HORMAD2: variants seen among roughly 807,000 people sequenced by gnomAD.
The protein encoded by HORMAD2 is HORMA domain containing 2.
In HORMAD2, 45 loss-of-function variants were observed where a neutral mutation model predicts 38.8. The ratio of observed to expected loss-of-function variants is 1.16; its 90% confidence interval spans 0.91 to 1.49. The LOEUF is 1.49. HORMAD2 is among the 40% of genes most tolerant of loss of function. HORMAD2 has a pLI of 0.00. For missense variants in HORMAD2, 338 were observed against 367.0 expected (o/e 0.92, Z 0.65); for synonymous variants, 126 against 122.8 (o/e 1.03, Z -0.17).
chr22:30,091,904 T>G (rs532076853), intron 1 of HORMAD2, among the ~76,000 whole-genome samples: 1 of 152,228 alleles, frequency 6.6e-6, no homozygotes, highest in South Asian at 2.1e-4. Context: ...TGAGATGGAG[T>G]CTTGCTCTGT....
In HORMAD2 at chr22:30,093,773, T is replaced by C. The variant is rs1601507372; in HGVS notation, c.-37-143T>C. 6.4e-6 allele frequency: 3 copies of C among 468,082 alleles called. No homozygotes were observed. The East Asian group carries it at 1.0e-4, about 16-fold the overall frequency. The allele number at this position is 468,082 out of a possible 1,614,324, so 29.0% of individuals were successfully genotyped here. ...GTAAATTTCTCTCTGAACTGAACAA[T>C]CTTGAAAACAGTTTATACTTAACTG... On this transcript the variant is annotated intron_variant, in intron 1 of 10. Coordinates refer to ENST00000336726, the MANE Select transcript of HORMAD2 (RefSeq NM_152510.4).
At chr22:30,159,528 T>TA (rs1385766962) in intron 10 of HORMAD2, among the ~76,000 whole-genome samples, 1 of 152,228 alleles carries the variant, frequency 6.6e-6, no homozygotes, top group Non-Finnish European at 1.5e-5. Flanking sequence ...GGATACCCTG[T>TA]ATTTCAGGTA....
chr22:30,092,038 G>A (rs1042569311), intron 1 of HORMAD2, among the ~76,000 whole-genome samples: 8 of 140,274 alleles, frequency 5.7e-5, no homozygotes, highest in Non-Finnish European at 1.2e-4. Flanking sequence ...CACCACACCT[G>A]GCTAATTTTT....
chr22:30,091,909 C>G (rs1182128161), intron 1 of HORMAD2, among the ~76,000 whole-genome samples: 1 of 151,902 alleles, frequency 6.6e-6, no homozygotes, highest in Non-Finnish European at 1.5e-5. Context: ...TGGAGTCTTG[C>G]TCTGTTGCCC....
chr22:30,148,317 T>C (rs1350028221), intron 10 of HORMAD2, among the ~76,000 whole-genome samples: 2 of 152,074 alleles, frequency 1.3e-5, no homozygotes, highest in Non-Finnish European at 2.9e-5. Context: ...TACATGAAAA[T>C]CTGGAGGAAG....
chr22:30,155,187 T>A (rs1452050899), intron 10 of HORMAD2, among the ~76,000 whole-genome samples: 1 of 152,164 alleles, frequency 6.6e-6, no homozygotes. Context: ...ATTTCAATTA[T>A]GTTTTATTTG....
intron 10 of HORMAD2, among the ~76,000 whole-genome samples, chr22:30,133,094 A>T (rs922383599): frequency 1.3e-5 from 2 of 152,218 alleles, no homozygotes; most frequent in Non-Finnish European, 2.9e-5. Context: ...ATTTAAACTC[A>T]GATTTTTTTC....
rs1163377961 is a variant in HORMAD2, at chr22:30,100,850, C to T, written c.193+1857C>T. On this transcript the variant is annotated intron_variant, in intron 3 of 10. Transcript: ENST00000336726. ...TGAAAAAAAGCTCATCATCACTGGT[C>T]GTTAGAGAGATGCAAATCAAAACCA... Among the ~76,000 whole-genome samples the T allele has an allele frequency of 2.0e-5, 3 of 152,142 alleles. 1 individual carries two copies. Among genetic ancestry groups the T allele is most frequent in the East Asian group, 3.9e-4 (2 of 5,192 alleles).
chr22:30,196,913 C>T, the HORMAD2 span, among the ~76,000 whole-genome samples: 11 of 152,284 alleles, frequency 7.2e-5, no homozygotes, highest in Admixed American at 5.2e-4. Flanking sequence ...TTTAATAGGA[C>T]AGGAAGTTTA....
intron 8 of HORMAD2, among the ~76,000 whole-genome samples, chr22:30,119,608 C>T (rs995678337): frequency 4.6e-5 from 7 of 152,104 alleles, no homozygotes; most frequent in Non-Finnish European, 8.8e-5. Flanking sequence ...TGAAGAGCAA[C>T]GTTTATTTTT....
chr22:30,163,990 A>C (rs1198697324), intron 10 of HORMAD2, among the ~76,000 whole-genome samples: 1 of 151,824 alleles, frequency 6.6e-6, no homozygotes, highest in Admixed American at 6.6e-5. Flanking sequence ...TCATCATTCT[A>C]TTTTCTGTCT....
At chr22:30,197,553 C>G in the HORMAD2 span, among the ~76,000 whole-genome samples, 572 of 152,250 alleles carry the variant, frequency 3.8e-3, 7 homozygotes, top group African/African-American at 0.013. Flanking sequence ...ATAACCCTCT[C>G]AATCTTCTTC....
At chr22:30,105,277 G>A in intron 5 of HORMAD2, 1 of 174,170 alleles carries the variant, frequency 5.7e-6, no homozygotes, top group Non-Finnish European at 1.3e-5. Flanking sequence ...ACACCTCTCA[G>A]ATCATATCCC....
intron 7 of HORMAD2, among the ~76,000 whole-genome samples, chr22:30,114,673 T>A (rs1921911915): frequency 1.3e-5 from 2 of 152,116 alleles, no homozygotes; most frequent in Non-Finnish European, 2.9e-5. Flanking sequence ...CACTAGACAG[T>A]TGGATTAAAA....
intron 10 of HORMAD2, among the ~76,000 whole-genome samples, chr22:30,172,582 A>G (rs1926175911): frequency 6.6e-6 from 1 of 152,144 alleles, no homozygotes; most frequent in Non-Finnish European, 1.5e-5. Flanking sequence ...GGAACTGAGA[A>G]TACAAAGATG....
intron 10 of HORMAD2, among the ~76,000 whole-genome samples, chr22:30,161,449 A>G (rs1045198553): frequency 2.0e-5 from 3 of 152,244 alleles, no homozygotes; most frequent in Admixed American, 2.0e-4. Context: ...AAACTTTAGT[A>G]CATCTAATGA....
intron 2 of HORMAD2, among the ~76,000 whole-genome samples, chr22:30,096,071 C>T (rs2068776196): frequency 6.6e-6 from 1 of 152,092 alleles, no homozygotes; most frequent in Non-Finnish European, 1.5e-5. Context: ...TTCTTTTGCT[C>T]AGCATTGTGT....
At chr22:30,122,769 C>A (rs977987756) in intron 10 of HORMAD2, among the ~76,000 whole-genome samples, 1 of 152,116 alleles carries the variant, frequency 6.6e-6, no homozygotes, top group African/African-American at 2.4e-5. Flanking sequence ...GTCTCTGATC[C>A]CTTTATCCTC....
intron 8 of HORMAD2, among the ~76,000 whole-genome samples, chr22:30,119,401 T>G (rs947218360): frequency 6.6e-6 from 1 of 152,208 alleles, no homozygotes. Flanking sequence ...AGCCAGCCTG[T>G]GCCTAGGGTA....
Sources: allele counts gnomAD v4.1 joint callset (sites outside exome capture counted in the v4.1 genomes callset), GRCh38; gene constraint gnomAD v4.1.1; transcripts MANE v1.5; gene names NCBI Gene and HGNC (gene_info 2026-07-23, HGNC 2026-07-21).